The following PLA2G5 variants were observed in gnomAD, a reference collection of about 807,000 sequenced individuals.
PLA2G5 encodes Ca2+-dependent phospholipase A2.
In PLA2G5, 12 loss-of-function variants were observed where a neutral mutation model predicts 15.9. The observed-to-expected ratio is 0.76, with a 90% confidence interval of 0.48 to 1.23. The LOEUF (loss-of-function observed/expected upper bound fraction) is 1.23. Ranked by LOEUF, PLA2G5 falls within the 50% of genes most tolerant of loss-of-function variation. PLA2G5 has a pLI of 0.00. For missense variants in PLA2G5, 169 were observed against 177.1 expected, an observed-to-expected ratio of 0.95 and a Z score of 0.26; for synonymous variants, 71 against 71.4, an observed-to-expected ratio of 0.99 and a Z score of 0.03.
intron 3 of PLA2G5, among the ~76,000 whole-genome samples, chr1:20,087,981 A>G (rs936858995): frequency 1.1e-4 from 16 of 152,212 alleles, no homozygotes; most frequent in African/African-American, 3.4e-4. Flanking sequence ...GGCATCTTAT[A>G]AAATGTCTAA....
chr1:20,028,480 T>C (rs905548374), exon 1 of PLA2G5: 5 of 152,084 alleles, frequency 3.3e-5, no homozygotes, highest in Non-Finnish European at 7.4e-5. Context: ...GCCTTCTACT[T>C]TAATATAAAA....
chr1:20,038,711 T>G (rs1289693435), intron 1 of PLA2G5, among the ~76,000 whole-genome samples: 2 of 152,106 alleles, frequency 1.3e-5, no homozygotes, highest in Non-Finnish European at 2.9e-5. Context: ...CCCAGGAGTT[T>G]GAAGTTGCAG....
chr1:20,086,858 T>G (rs925752739), intron 3 of PLA2G5, among the ~76,000 whole-genome samples: 3 of 152,178 alleles, frequency 2.0e-5, no homozygotes, highest in Non-Finnish European at 4.4e-5. Flanking sequence ...AGTGCTAAAG[T>G]TCTAGAAGAA....
chr1:20,050,717 T>C (rs2014139350), intron 1 of PLA2G5, among the ~76,000 whole-genome samples: 1 of 152,206 alleles, frequency 6.6e-6, no homozygotes, highest in Non-Finnish European at 1.5e-5. Context: ...TTGACTTTTT[T>C]TTGGGAAATA....
intron 1 of PLA2G5, among the ~76,000 whole-genome samples, chr1:20,032,323 A>G (rs1303009458): frequency 2.6e-5 from 4 of 151,936 alleles, no homozygotes; most frequent in Non-Finnish European, 5.9e-5. Flanking sequence ...TGCGGGTAAT[A>G]CAGAGAATAG....
At chr1:20,055,930 G>A (rs932202299) in intron 1 of PLA2G5, among the ~76,000 whole-genome samples, 2 of 152,126 alleles carry the variant, frequency 1.3e-5, no homozygotes, top group Non-Finnish European at 2.9e-5. Context: ...AGGTTCTCTA[G>A]GAAGATGACA....
chr1:20,081,320 C>T (rs1390574958), intron 1 of PLA2G5, among the ~76,000 whole-genome samples: 1 of 151,892 alleles, frequency 6.6e-6, no homozygotes, highest in Non-Finnish European at 1.5e-5. Context: ...GCCACCTCCA[C>T]CATGAAACTG....
intron 3 of PLA2G5, 95 bp from the exon 4 acceptor site, chr1:20,089,694 C>T: frequency 1.1e-6 from 1 of 927,092 alleles, no homozygotes; most frequent in South Asian, 1.4e-5. Flanking sequence ...AAGGTGGCCT[C>T]TGCTAAAGTG....
chr1:20,037,559 A>G (rs1405083785), intron 1 of PLA2G5, among the ~76,000 whole-genome samples: 1 of 152,196 alleles, frequency 6.6e-6, no homozygotes. Flanking sequence ...AAATTGTCAC[A>G]TGGACAGACT....
chr1:20,076,456 T>C (rs1409656225), intron 1 of PLA2G5, among the ~76,000 whole-genome samples: 1 of 152,224 alleles, frequency 6.6e-6, no homozygotes, highest in Non-Finnish European at 1.5e-5. Flanking sequence ...CCAATCATTA[T>C]GTCCTTACTG....
chr1:20,045,870 C>T lies in PLA2G5; in HGVS notation n.277-13762C>T, dbSNP rs79391611. Among the ~76,000 whole-genome samples the T allele has an allele frequency of 6.4e-3, 982 of 152,298 alleles. 55 individuals carry two copies. The East Asian group carries it at 0.15, about 23-fold the overall frequency. On this transcript the variant is annotated intron_variant and non_coding_transcript_variant, in intron 1 of 6. Coordinates refer to the PLA2G5 transcript ENST00000460175. ...AAGCCTGTCTGATGGTTTCTTCACACGGATGCGTGTGACACAGAGAATCTC... is the reference window on the plus strand; with the variant it reads ...AAGCCTGTCTGATGGTTTCTTCACATGGATGCGTGTGACACAGAGAATCTC...
At chr1:20,090,505 G>C (rs960569272) in intron 4 of PLA2G5, 63 bp from the exon 5 acceptor site, 17 of 1,578,008 alleles carry the variant, frequency 1.1e-5, no homozygotes, top group Non-Finnish European at 1.4e-5. Flanking sequence ...AGTCCATGGG[G>C]TCTCTGCTGA....
At chr1:20,045,664 T>C (rs1373617539) in intron 1 of PLA2G5, among the ~76,000 whole-genome samples, 1 of 152,158 alleles carries the variant, frequency 6.6e-6, no homozygotes. Context: ...AGAAGTTCCT[T>C]GGGCTGGTTG....
chr1:20,069,062 C>T (rs1156619104), upstream of PLA2G5: 2 of 547,596 alleles, frequency 3.7e-6, no homozygotes, highest in East Asian at 6.8e-5. Context: ...GTTGCACCAA[C>T]AGCTAGGGGA....
intron 1 of PLA2G5, among the ~76,000 whole-genome samples, chr1:20,047,188 G>T (rs753669715): frequency 2.6e-5 from 4 of 152,132 alleles, no homozygotes; most frequent in Admixed American, 1.3e-4. Flanking sequence ...ATTGCCCAGC[G>T]TTTTGAGCCC....
chr1:20,080,859 C>T (rs11573243), intron 1 of PLA2G5, among the ~76,000 whole-genome samples: 3 of 151,768 alleles, frequency 2.0e-5, no homozygotes, highest in Non-Finnish European at 2.9e-5. Flanking sequence ...AGAGCAGGGC[C>T]GAGAGAGGGG....
intron 1 of PLA2G5, among the ~76,000 whole-genome samples, chr1:20,081,583 G>A (rs1303053269): frequency 6.6e-6 from 1 of 151,698 alleles, no homozygotes; most frequent in Non-Finnish European, 1.5e-5. Context: ...CGGTCAGTTT[G>A]AATCATGTCA....
chr1:20,087,533 T>G (rs11573269), intron 3 of PLA2G5, among the ~76,000 whole-genome samples: 2,466 of 125,608 alleles, frequency 0.02, 62 homozygotes, highest in African/African-American at 0.069. Flanking sequence ...AGCATATACG[T>G]TTTTTTTTTA....
chr1:20,069,028 A>G (rs762236979), upstream of PLA2G5: 53 of 924,128 alleles, frequency 5.7e-5, no homozygotes, highest in East Asian at 3.0e-4. Flanking sequence ...CCAAATGGCC[A>G]TAAGGTGTGT....
Sources: allele counts gnomAD v4.1 joint callset (sites outside exome capture counted in the v4.1 genomes callset), GRCh38; gene constraint gnomAD v4.1.1; transcripts MANE v1.5; gene names NCBI Gene and HGNC (gene_info 2026-07-23, HGNC 2026-07-21).